The following FAM227B variants were observed in gnomAD, a reference collection of about 807,000 sequenced individuals.
The protein encoded by FAM227B is protein FAM227B.
In FAM227B, 88 loss-of-function variants were observed where a neutral mutation model predicts 73.8. The ratio of observed to expected loss-of-function variants is 1.19; its 90% CI spans 1.00 to 1.42. FAM227B has a LOEUF of 1.42. Ranked by LOEUF, FAM227B falls within the 40% of genes most tolerant of loss-of-function variation. FAM227B has a pLI of 0.00. For synonymous variants in FAM227B, 210 were observed against 190.5 expected (o/e 1.10, Z -0.84); for missense variants, 632 against 590.9 (o/e 1.07, Z -0.72).
At chr15:49,450,099 C>T (rs187812994) in intron 11 of FAM227B, among the ~76,000 whole-genome samples, 4 of 152,084 alleles carry the variant, frequency 2.6e-5, no homozygotes, top group African/African-American at 7.2e-5. Context: ...CAAATTAAAA[C>T]GGAGTTGTGG....
intron 5 of FAM227B, among the ~76,000 whole-genome samples, chr15:49,581,540 A>C (rs1038460248): frequency 6.6e-6 from 1 of 152,008 alleles, no homozygotes; most frequent in African/African-American, 2.4e-5. Flanking sequence ...ATGGTCTCAA[A>C]TTCTTGAACT....
chr15:49,379,088 G>A (rs984034709), intron 11 of FAM227B, among the ~76,000 whole-genome samples: 1 of 152,102 alleles, frequency 6.6e-6, no homozygotes, highest in African/African-American at 2.4e-5. Flanking sequence ...TTGATATGAT[G>A]TATTACATTG....
chr15:49,367,033 T>A (rs951227006), intron 13 of FAM227B, among the ~76,000 whole-genome samples: 1 of 152,210 alleles, frequency 6.6e-6, no homozygotes, highest in African/African-American at 2.4e-5. Context: ...GTGTAAAAAA[T>A]GTTCTGATAA....
intron 9 of FAM227B, among the ~76,000 whole-genome samples, chr15:49,546,791 C>T (rs2071965741): frequency 6.6e-6 from 1 of 152,024 alleles, no homozygotes; most frequent in Admixed American, 6.6e-5. Flanking sequence ...GTGAAAAGAC[C>T]AAATCTACGT....
At chr15:49,402,857 C>T (rs1032113596) in intron 11 of FAM227B, among the ~76,000 whole-genome samples, 8 of 151,998 alleles carry the variant, frequency 5.3e-5, no homozygotes, top group Admixed American at 2.0e-4. Flanking sequence ...TGTGTTGTGC[C>T]GATTTTCAAT....
At chr15:49,403,662 G>C (rs1174758509) in intron 11 of FAM227B, among the ~76,000 whole-genome samples, 2 of 151,294 alleles carry the variant, frequency 1.3e-5, no homozygotes, top group African/African-American at 4.9e-5. Flanking sequence ...TTTCTTTATT[G>C]GTCTAGCTAG....
chr15:49,468,528 T>C (rs1461228505), intron 11 of FAM227B, among the ~76,000 whole-genome samples: 2 of 152,160 alleles, frequency 1.3e-5, no homozygotes, highest in Non-Finnish European at 2.9e-5. Flanking sequence ...AACGACAAGA[T>C]TAGTATTATC....
chr15:49,358,878 A>T (rs2043666933), intron 13 of FAM227B, among the ~76,000 whole-genome samples: 1 of 150,024 alleles, frequency 6.7e-6, no homozygotes, highest in Non-Finnish European at 1.5e-5. Context: ...TGGTACTGGT[A>T]CCAAAACAGA....
rs1160266415 is a variant in FAM227B at position 49,456,716 on chromosome 15, AAG to A, written c.1012+51493_1012+51494del. ...ATTTTGTGAATTTCTGAAAAGAAAA[AAG>A]GGGAAAGGATCAGGGAAGGAACTTG... On this transcript the variant is annotated intron_variant, in intron 11 of 15. Transcript: ENST00000299338. 2.9e-4 allele frequency among the ~76,000 whole-genome samples: 44 copies of A among 152,080 alleles called. 1 individual carries two copies. Among genetic ancestry groups the A allele is most frequent in the Admixed American group, 2.8e-3 (43 of 15,262 alleles).
At chr15:49,420,131 C>CT (rs1355857672) in intron 11 of FAM227B, among the ~76,000 whole-genome samples, 2 of 151,930 alleles carry the variant, frequency 1.3e-5, no homozygotes, top group Admixed American at 6.6e-5. Context: ...TTGGCAATAT[C>CT]TTTTTTTTAA....
chr15:49,468,257 A>T (rs2054439886), intron 11 of FAM227B, among the ~76,000 whole-genome samples: 1 of 152,140 alleles, frequency 6.6e-6, no homozygotes, highest in African/African-American at 2.4e-5. Flanking sequence ...AATGAGGATG[A>T]TGTGGAATCA....
chr15:49,487,636 C>T (rs1173336032), intron 11 of FAM227B: 4 of 151,956 alleles, frequency 2.6e-5, no homozygotes, highest in Non-Finnish European at 5.9e-5. Context: ...ACAAGAAAAA[C>T]TCTAAAACAG....
In FAM227B at chr15:49,534,713, A is replaced by T. The variant is rs189156120; in HGVS notation, c.874+6967T>A. On this transcript the variant is annotated intron_variant, in intron 10 of 15. Coordinates refer to ENST00000299338, the MANE Select transcript of FAM227B (RefSeq NM_152647.3). ...GACCATATGTTAGGCCACAAAAAAA[A>T]TTTTAACAAATTCAAGAAGTTTGAA... Among the ~76,000 whole-genome samples the T allele has an allele frequency of 1.4e-3, 215 of 151,982 alleles. 5 individuals are homozygous for T. The South Asian group carries it at 0.027, about 19-fold the overall frequency.
intron 5 of FAM227B, among the ~76,000 whole-genome samples, chr15:49,585,285 G>A (rs957069037): frequency 2.6e-5 from 4 of 152,150 alleles, no homozygotes; most frequent in Non-Finnish European, 4.4e-5. Flanking sequence ...TCAATGTGGC[G>A]ATTCCTCAGA....
In FAM227B at chr15:49,547,541, A is replaced by C. The variant is rs956391218; in HGVS notation, c.748-5735T>G. Among the ~76,000 whole-genome samples, 5 of 151,662 alleles carry C rather than the reference A, an allele frequency of 3.3e-5. No homozygotes were observed. In the East Asian group the frequency reaches 7.7e-4, roughly 23 times the overall value. On this transcript the variant is annotated intron_variant, in intron 9 of 15. Coordinates refer to ENST00000299338, the MANE Select transcript of FAM227B (RefSeq NM_152647.3). ...TGCTGTATTCAGGAAACCCATCTCAAGTGCAGAGACACACATAGGCTCAAA... is the reference window on the plus strand; with the variant it reads ...TGCTGTATTCAGGAAACCCATCTCACGTGCAGAGACACACATAGGCTCAAA...
intron 10 of FAM227B, among the ~76,000 whole-genome samples, chr15:49,535,736 C>T (rs1209818861): frequency 2.6e-5 from 4 of 151,768 alleles, no homozygotes; most frequent in Non-Finnish European, 5.9e-5. Context: ...GGCTTTATCC[C>T]TAGCATGCAA....
chr15:49,507,202 G>A (rs1160217055), intron 11 of FAM227B, among the ~76,000 whole-genome samples: 5 of 152,060 alleles, frequency 3.3e-5, no homozygotes, highest in African/African-American at 2.4e-5. Context: ...TATATACTGC[G>A]ATAAGAATAT....
chr15:49,571,380 T>C (rs2075091250), intron 8 of FAM227B, among the ~76,000 whole-genome samples: 1 of 152,028 alleles, frequency 6.6e-6, no homozygotes. Context: ...TGTCTATTTT[T>C]TGCTTTTGTT....
At chr15:49,350,013 C>A (rs561427203) in intron 13 of FAM227B, among the ~76,000 whole-genome samples, 97 of 152,290 alleles carry the variant, frequency 6.4e-4, no homozygotes, top group Non-Finnish European at 1.2e-3. Flanking sequence ...AATATGTAAA[C>A]TCTTAAGCCC....
Sources: gnomAD v4.1 joint callset for allele counts (sites outside exome capture counted in the v4.1 genomes callset) on GRCh38, gnomAD v4.1.1 for gene constraint, MANE v1.5 for transcripts, NCBI Gene and HGNC (gene_info 2026-07-23, HGNC 2026-07-21) for gene names.